LAMA2: variants seen among roughly 807,000 people sequenced by gnomAD.
LAMA2 encodes the protein laminin subunit alpha 2.
Under a neutral mutation model 364.8 loss-of-function variants are expected in LAMA2, and 269 were observed. The ratio of observed to expected loss-of-function variants is 0.74; its 90% CI spans 0.67 to 0.82. The LOEUF is 0.82. Among genes scored for constraint, LAMA2 ranks in the 40% least tolerant of loss-of-function variants. The pLI, the probability that LAMA2 is intolerant of heterozygous loss-of-function variation, is 0.00. For synonymous variants in LAMA2, 1,379 were observed against 1,370.6 expected (o/e 1.01, Z -0.14); for missense variants, 3,807 against 3,873.2 (o/e 0.98, Z 0.45).
intron 47 of LAMA2, among the ~76,000 whole-genome samples, chr6:129,455,486 C>A (rs1030460084): frequency 7.2e-5 from 11 of 152,096 alleles, no homozygotes; most frequent in East Asian, 1.9e-4. Flanking sequence ...TAAATTCATT[C>A]TTTTGTTACC....
In LAMA2 at chr6:129,300,845, G is replaced by C; in HGVS notation, c.3147G>C (p.Trp1049Cys). 6.2e-7 allele frequency: 1 copy of C among 1,613,726 alleles called. No homozygotes were observed. The change falls in exon 22 of 65, where the codon TGG becomes TGC. Residue 1049 changes from tryptophan (W) to cysteine (C), a missense_variant. Physicochemically the swap from Trp to Cys is radical, Grantham distance 215 (BLOSUM62 -2). Around this residue, in one of 3 missense-constraint regions of LAMA2, gnomAD observed 3,333 missense variants for 3,345.7 expected, o/e 1.00. Coordinates refer to ENST00000421865, the MANE Select transcript of LAMA2 (RefSeq NM_000426.4). Reference sequence around the variant, plus strand: ...GTTCTAAATGTGCACCCAATACCTGGGGCCACAGCATTACCACTGGTTGTA... The same window carrying C: ...GTTCTAAATGTGCACCCAATACCTGCGGCCACAGCATTACCACTGGTTGTA... Reference protein sequence around the residue: ...EKCSKCAPNTWGHSITTGCKA... With the variant: ...EKCSKCAPNTCGHSITTGCKA...
chr6:129,184,687 T>C (rs9492262), intron 10 of LAMA2, among the ~76,000 whole-genome samples: 59,537 of 151,680 alleles, frequency 0.39, 15,061 homozygotes, highest in African/African-American at 0.73. Flanking sequence ...TATAAATCTC[T>C]ACCCTTTTCC....
intron 1 of LAMA2, among the ~76,000 whole-genome samples, chr6:128,936,667 T>G (rs186693202): frequency 2.6e-5 from 4 of 152,202 alleles, no homozygotes; most frequent in African/African-American, 9.6e-5. Flanking sequence ...ATAAGAGTTA[T>G]GTGAATGTTG....
chr6:128,986,229 T>G (rs981179903), intron 1 of LAMA2, among the ~76,000 whole-genome samples: 2 of 152,190 alleles, frequency 1.3e-5, no homozygotes, highest in African/African-American at 4.8e-5. Context: ...TCAGTTTTCC[T>G]TAATGATTCT....
rs1358703522 is a variant in LAMA2 at position 129,313,000 on chromosome 6, T to C, written c.3314T>C (p.Leu1105Pro). 4.3e-6 allele frequency: 7 copies of C among 1,614,058 alleles called. No individual in the cohort carries two copies. In the Admixed American group the frequency reaches 1.2e-4, roughly 27 times the overall value. Residue 1105 changes from leucine (L) to proline (P), a missense_variant, in exon 23 of 65, where the codon CTC becomes CCC. By Grantham distance (98) the Leu-to-Pro change is moderately conservative (BLOSUM62 -3). Coordinates refer to ENST00000421865, the MANE Select transcript of LAMA2 (RefSeq NM_000426.4). ...CACTGGAACTACCCTCGCTGCAATCTCTGTGACTGCTTCCTCCCTGGGACA... is the reference window on the plus strand; with the variant it reads ...CACTGGAACTACCCTCGCTGCAATCCCTGTGACTGCTTCCTCCCTGGGACA... ...RGHWNYPRCN[L>P]CDCFLPGTDA... is the part of the protein sequence containing the mutation.
chr6:129,373,882 T>C (rs1778226877), intron 34 of LAMA2, among the ~76,000 whole-genome samples: 1 of 152,204 alleles, frequency 6.6e-6, no homozygotes, highest in Non-Finnish European at 1.5e-5. Context: ...CCTGATCACC[T>C]GACTAACATA....
rs5879915 is a variant in LAMA2 at position 128,917,706 on chromosome 6, TTTTC to T, written c.112+34377_112+34380del. 7.7e-3 allele frequency among the ~76,000 whole-genome samples: 758 copies of T among 98,362 alleles called. 3 individuals are homozygous for T. The highest frequency in any genetic ancestry group is 0.031 in the Middle Eastern group (4 of 130). 64.5% of individuals were successfully genotyped at this position (98,362 alleles called of 152,430 possible). On this transcript the variant is annotated intron_variant, in intron 1 of 64. Coordinates refer to ENST00000421865, the MANE Select transcript of LAMA2 (RefSeq NM_000426.4). ...CTATTATCTGTCCTTTTTCTTTTTT[TTTTC>T]TTTCTTTCTTTCTTTCTTTCTTTCT...
intron 14 of LAMA2, among the ~76,000 whole-genome samples, chr6:129,253,948 A>G (rs1786447970): frequency 6.6e-6 from 1 of 152,244 alleles, no homozygotes; most frequent in Admixed American, 6.5e-5. Flanking sequence ...TTCAATAAGT[A>G]AAAGCCAATG....
intron 1 of LAMA2, among the ~76,000 whole-genome samples, chr6:128,990,317 T>TG (rs143566597): frequency 0.15 from 22,333 of 152,226 alleles, 1,854 homozygotes; most frequent in African/African-American, 0.2. Flanking sequence ...TATGGTTTAA[T>TG]GGGGAACCAT....
At chr6:129,166,670 C>A (rs888310360) in intron 9 of LAMA2, among the ~76,000 whole-genome samples, 1 of 152,042 alleles carries the variant, frequency 6.6e-6, no homozygotes, top group African/African-American at 2.4e-5. Flanking sequence ...TCTTCCCTAC[C>A]CCTTTTTGAG....
intron 3 of LAMA2, among the ~76,000 whole-genome samples, chr6:129,084,141 T>C (rs1292238068): frequency 6.6e-6 from 1 of 152,176 alleles, no homozygotes; most frequent in African/African-American, 2.4e-5. Context: ...AAATGCAGAA[T>C]ATTAAAATCT....
intron 1 of LAMA2, among the ~76,000 whole-genome samples, chr6:128,898,881 T>C (rs72981385): frequency 1.5e-3 from 227 of 152,294 alleles, no homozygotes; most frequent in Non-Finnish European, 2.7e-3. Flanking sequence ...TCAAGGCCTT[T>C]GTCCTTGCTG....
intron 1 of LAMA2, among the ~76,000 whole-genome samples, chr6:129,033,540 T>C (rs2114738047): frequency 6.6e-6 from 1 of 152,330 alleles, no homozygotes; most frequent in African/African-American, 2.4e-5. Flanking sequence ...ATTTTTTGAA[T>C]TATTAACTGC....
At chr6:129,353,121 A>T in intron 31 of LAMA2, 43 bp from the exon 32 acceptor site, 1 of 1,474,970 alleles carries the variant, frequency 6.8e-7, no homozygotes, top group Non-Finnish European at 9.4e-7. Flanking sequence ...TGGAGACATG[A>T]CTTGCTATTA....
At chr6:128,951,263 T>C (rs1780804512) in intron 1 of LAMA2, among the ~76,000 whole-genome samples, 1 of 152,198 alleles carries the variant, frequency 6.6e-6, no homozygotes, top group Non-Finnish European at 1.5e-5. Context: ...ATAGGGATTT[T>C]TTCTTTGTAA....
At chr6:129,312,050 A>G (rs1454008650) in intron 22 of LAMA2, among the ~76,000 whole-genome samples, 1 of 152,178 alleles carries the variant, frequency 6.6e-6, no homozygotes, top group African/African-American at 2.4e-5. Flanking sequence ...GATTAATTAG[A>G]ACAGATGTAA....
At chr6:129,332,423 G>T (rs1342439074) in intron 29 of LAMA2, among the ~76,000 whole-genome samples, 1 of 151,946 alleles carries the variant, frequency 6.6e-6, no homozygotes, top group African/African-American at 2.4e-5. Context: ...GTAAAGCAAG[G>T]TCCTTTATTT....
At chr6:129,421,134 G>A (rs1172796190) in intron 40 of LAMA2, among the ~76,000 whole-genome samples, 1 of 152,068 alleles carries the variant, frequency 6.6e-6, no homozygotes, top group Non-Finnish European at 1.5e-5. Context: ...GTATTAAAAT[G>A]CAATTACATG....
chr6:129,034,597 C>A (rs556715768), intron 1 of LAMA2, among the ~76,000 whole-genome samples: 1 of 152,008 alleles, frequency 6.6e-6, no homozygotes, highest in African/African-American at 2.4e-5. Flanking sequence ...TGTATTCAGT[C>A]AGTAATTTTT....
Sources: allele counts gnomAD v4.1 joint callset (sites outside exome capture counted in the v4.1 genomes callset), GRCh38; gene constraint gnomAD v4.1.1; regional missense constraint gnomAD v4.1.1; transcripts MANE v1.5; gene names NCBI Gene and HGNC (gene_info 2026-07-23, HGNC 2026-07-21).